The following TNR variants were observed in gnomAD, a reference collection of about 807,000 sequenced individuals.
The protein encoded by TNR is tenascin-R.
In TNR, 45 loss-of-function variants were observed where a neutral mutation model predicts 150.4. The ratio of observed to expected loss-of-function variants is 0.30; its 90% CI spans 0.24 to 0.38. The LOEUF is 0.38. Ranked by LOEUF, TNR falls within the 10% of genes least tolerant of loss-of-function variation. The pLI is 1.00. For synonymous variants in TNR, 687 were observed against 678.4 expected (o/e 1.01, Z -0.20); for missense variants, 1,544 against 1,759.1 (o/e 0.88, Z 2.19).
intron 1 of TNR, among the ~76,000 whole-genome samples, chr1:175,605,131 A>G (rs1343292775): frequency 1.3e-5 from 2 of 152,266 alleles, no homozygotes; most frequent in African/African-American, 4.8e-5. Context: ...GCCAGGCTGC[A>G]CATCATAAAG....
At chr1:175,606,766 C>G (rs566772604) in intron 1 of TNR, among the ~76,000 whole-genome samples, 1 of 152,280 alleles carries the variant, frequency 6.6e-6, no homozygotes, top group South Asian at 2.1e-4. Flanking sequence ...ACTGGAGCAG[C>G]TTGGGGTTTG....
chr1:175,539,082 G>A (rs903363861), intron 1 of TNR: 5 of 152,212 alleles, frequency 3.3e-5, no homozygotes, highest in Admixed American at 2.0e-4. Context: ...CTCCCCAGTC[G>A]GTGAGGGCCT....
At chr1:175,490,784 G>C (rs1658214337) in intron 2 of TNR, among the ~76,000 whole-genome samples, 1 of 152,218 alleles carries the variant, frequency 6.6e-6, no homozygotes. Context: ...GTGACAATCA[G>C]TTCAACCATT....
At chr1:175,328,662 G>A (rs561114583) in intron 21 of TNR, among the ~76,000 whole-genome samples, 1 of 152,228 alleles carries the variant, frequency 6.6e-6, no homozygotes, top group Non-Finnish European at 1.5e-5. Context: ...CAGCCAAACT[G>A]TTGGCAGGAT....
At chr1:175,491,205 C>G (rs2102139064) in intron 2 of TNR, among the ~76,000 whole-genome samples, 1 of 151,892 alleles carries the variant, frequency 6.6e-6, no homozygotes, top group Admixed American at 6.6e-5. Context: ...AACACACACA[C>G]TGGGGCCTGT....
intron 18 of TNR, among the ~76,000 whole-genome samples, chr1:175,347,325 AAATCT>A (rs1650841826): frequency 6.6e-6 from 1 of 152,234 alleles, no homozygotes; most frequent in Non-Finnish European, 1.5e-5. Context: ...TTTAAACCTC[AAATCT>A]AAACAAACAC....
At chr1:175,492,455 G>T (rs1490780613) in intron 2 of TNR, among the ~76,000 whole-genome samples, 1 of 152,210 alleles carries the variant, frequency 6.6e-6, no homozygotes, top group Non-Finnish European at 1.5e-5. Context: ...CCGTCCACAA[G>T]CTTGGACACT....
intron 9 of TNR, among the ~76,000 whole-genome samples, chr1:175,369,626 G>C (rs1454644830): frequency 2.0e-5 from 3 of 151,800 alleles, no homozygotes; most frequent in Non-Finnish European, 2.9e-5. Context: ...TTTATAAAAA[G>C]AAACTGTGGC....
rs555199532 is a variant in TNR at position 175,541,987 on chromosome 1, T to A, written c.-164-13618A>T. Among the ~76,000 whole-genome samples the A allele has an allele frequency of 3.2e-4, 48 of 152,144 alleles. 1 individual carries two copies. In the South Asian group the frequency reaches 9.8e-3, roughly 31 times the overall value. Reference sequence around the variant, plus strand: ...AGCTGTTATGGGGATCAAAATGAGATAATGTAAACCAAAGACGCTCTACCA... The same window carrying A: ...AGCTGTTATGGGGATCAAAATGAGAAAATGTAAACCAAAGACGCTCTACCA... On this transcript the variant is annotated intron_variant, in intron 1 of 22. Coordinates refer to ENST00000367674, the MANE Select transcript of TNR (RefSeq NM_003285.3).
chr1:175,564,289 G>A (rs1377896344), intron 1 of TNR, among the ~76,000 whole-genome samples: 1 of 152,068 alleles, frequency 6.6e-6, no homozygotes, highest in Non-Finnish European at 1.5e-5. Flanking sequence ...AGCAGGACGG[G>A]CGGCTGCGAA....
chr1:175,476,264 C>G (rs905823648), intron 2 of TNR, among the ~76,000 whole-genome samples: 1 of 152,184 alleles, frequency 6.6e-6, no homozygotes, highest in Non-Finnish European at 1.5e-5. Context: ...CACAGGCTCT[C>G]TGGGCATTGG....
intron 2 of TNR, among the ~76,000 whole-genome samples, chr1:175,465,128 C>G (rs957395766): frequency 6.6e-6 from 1 of 152,156 alleles, no homozygotes; most frequent in Non-Finnish European, 1.5e-5. Context: ...GTCCACCAGC[C>G]CTGGCCAGAA....
intron 1 of TNR, among the ~76,000 whole-genome samples, chr1:175,537,652 G>T (rs1660344593): frequency 6.6e-6 from 1 of 152,210 alleles, no homozygotes; most frequent in South Asian, 2.1e-4. Context: ...AATGATAAAA[G>T]CTTGACTTTC....
At chr1:175,468,273 C>A (rs1054802407) in intron 2 of TNR, among the ~76,000 whole-genome samples, 1 of 152,106 alleles carries the variant, frequency 6.6e-6, no homozygotes, top group East Asian at 1.9e-4. Flanking sequence ...CAGGTGATTA[C>A]CTTCTTTAAG....
At chr1:175,645,576 G>A (rs1467299199) in intron 1 of TNR, among the ~76,000 whole-genome samples, 3 of 152,210 alleles carry the variant, frequency 2.0e-5, no homozygotes, top group African/African-American at 4.8e-5. Context: ...TAAAGAAAAT[G>A]TGAAAATGTT....
intron 1 of TNR, among the ~76,000 whole-genome samples, chr1:175,662,579 GAT>G (rs1665411156): frequency 6.6e-6 from 1 of 152,208 alleles, no homozygotes; most frequent in Non-Finnish European, 1.5e-5. Flanking sequence ...TTGATGAATT[GAT>G]AACTAGTCTT....
Position 175,405,124 on chromosome 1 carries a change from C to T in TNR, c.499+1092G>A, listed in dbSNP as rs575228769. 2.0e-5 allele frequency among the ~76,000 whole-genome samples: 3 copies of T among 152,288 alleles called. No individual in the cohort carries two copies. The South Asian group carries it at 6.2e-4, about 32-fold the overall frequency. On this transcript the variant is annotated intron_variant, in intron 3 of 22. Coordinates refer to ENST00000367674, the MANE Select transcript of TNR (RefSeq NM_003285.3). Reference sequence around the variant, plus strand: ...TGAGTGCTTGAACTCAAGACAAATGCCTCTTGTCATCAAAGAACTGAATTG... The same window carrying T: ...TGAGTGCTTGAACTCAAGACAAATGTCTCTTGTCATCAAAGAACTGAATTG...
chr1:175,641,495 G>A (rs1664658819), intron 1 of TNR, among the ~76,000 whole-genome samples: 1 of 152,148 alleles, frequency 6.6e-6, no homozygotes, highest in African/African-American at 2.4e-5. Flanking sequence ...ATACTCAATG[G>A]CATCTTCTAT....
intron 9 of TNR, among the ~76,000 whole-genome samples, chr1:175,372,243 C>A (rs1221123693): frequency 6.6e-6 from 1 of 152,224 alleles, no homozygotes; most frequent in Non-Finnish European, 1.5e-5. Flanking sequence ...GCCAGTCAAA[C>A]CTCCTTTCTT....
Sources: gnomAD v4.1 joint callset for allele counts (sites outside exome capture counted in the v4.1 genomes callset) on GRCh38, gnomAD v4.1.1 for gene constraint, MANE v1.5 for transcripts, NCBI Gene and HGNC (gene_info 2026-07-23, HGNC 2026-07-21) for gene names.